GALNT13: variants seen among roughly 807,000 people sequenced by gnomAD.
GALNT13 encodes polypeptide N-acetylgalactosaminyltransferase 13, also known as UDP-GalNAc:polypeptide N-acetylgalactosaminyltransferase 13.
A neutral mutation model predicts 64.2 loss-of-function variants in GALNT13; 28 were observed. That is an observed-to-expected ratio of 0.44 (90% CI 0.32 to 0.60). The LOEUF (loss-of-function observed/expected upper bound fraction) is 0.60. GALNT13 is among the 20% of genes least tolerant of loss of function. The pLI, the probability that GALNT13 is intolerant of heterozygous loss-of-function variation, is 0.05. For missense variants in GALNT13, 577 were observed against 669.8 expected (o/e 0.86, Z 1.53); for synonymous variants, 214 against 224.6 (o/e 0.95, Z 0.42).
the GALNT13 span, among the ~76,000 whole-genome samples, chr2:153,726,001 A>G: frequency 1.8e-3 from 269 of 152,172 alleles, 1 homozygote; most frequent in Non-Finnish European, 2.9e-3. Context: ...CTTTAACAAC[A>G]ATATTTGATT....
chr2:153,550,141 A>G, the GALNT13 span, among the ~76,000 whole-genome samples: 1 of 152,190 alleles, frequency 6.6e-6, no homozygotes, highest in South Asian at 2.1e-4. Context: ...GATGGCAGCT[A>G]TCTAGCAGCA....
the GALNT13 span, among the ~76,000 whole-genome samples, chr2:153,672,121 C>T: frequency 6.6e-6 from 1 of 152,176 alleles, no homozygotes; most frequent in Non-Finnish European, 1.5e-5. Context: ...TAACACCCCA[C>T]TGTCAATATT....
At chr2:153,488,768 C>T in the GALNT13 span, among the ~76,000 whole-genome samples, 2 of 152,154 alleles carry the variant, frequency 1.3e-5, no homozygotes, top group African/African-American at 2.4e-5. Context: ...TGCCTCCCCT[C>T]CAAAATTCAG....
intron 3 of GALNT13, among the ~76,000 whole-genome samples, chr2:154,069,275 A>G (rs2105385304): frequency 6.6e-6 from 1 of 152,132 alleles, no homozygotes; most frequent in Non-Finnish European, 1.5e-5. Flanking sequence ...GTATACAGAA[A>G]GAAGAGAAGA....
At chr2:153,137,736 AAAG>A in the GALNT13 span, among the ~76,000 whole-genome samples, 6 of 152,072 alleles carry the variant, frequency 3.9e-5, no homozygotes, top group East Asian at 7.8e-4. Flanking sequence ...AAAAAAAAAA[AAAG>A]AGTTTCTATT....
chr2:153,855,135 G>T, the GALNT13 span, among the ~76,000 whole-genome samples: 34 of 152,178 alleles, frequency 2.2e-4, no homozygotes, highest in African/African-American at 7.2e-4. Context: ...TAATGCTGCT[G>T]AAATAATTAA....
At chr2:154,350,264 C>T (rs1458193455) in intron 9 of GALNT13, among the ~76,000 whole-genome samples, 1 of 152,180 alleles carries the variant, frequency 6.6e-6, no homozygotes, top group African/African-American at 2.4e-5. Context: ...CTGGGCGAGG[C>T]AGACCCATCC....
chr2:154,358,956 G>C (rs1696906848), intron 9 of GALNT13, among the ~76,000 whole-genome samples: 1 of 152,004 alleles, frequency 6.6e-6, no homozygotes, highest in Non-Finnish European at 1.5e-5. Context: ...TAATAAAATA[G>C]GACAAAACAA....
chr2:154,233,065 A>G (rs1689013824), intron 4 of GALNT13, among the ~76,000 whole-genome samples: 1 of 151,378 alleles, frequency 6.6e-6, no homozygotes, highest in African/African-American at 2.4e-5. Context: ...AAAGAAAAAG[A>G]AAAGAAAAAA....
the GALNT13 span, among the ~76,000 whole-genome samples, chr2:153,330,586 G>C: frequency 2.2e-3 from 329 of 151,840 alleles, 3 homozygotes; most frequent in Non-Finnish European, 3.7e-3. Context: ...TTAATATATA[G>C]AAATGGTACT....
chr2:153,933,146 A>G (rs2105360664), intron 2 of GALNT13, among the ~76,000 whole-genome samples: 1 of 152,216 alleles, frequency 6.6e-6, no homozygotes, highest in East Asian at 1.9e-4. Flanking sequence ...CATTTGGTCA[A>G]ATGTTGAGTT....
At chr2:153,834,655 C>G in the GALNT13 span, among the ~76,000 whole-genome samples, 1 of 152,000 alleles carries the variant, frequency 6.6e-6, no homozygotes, top group African/African-American at 2.4e-5. Context: ...TATCTATGCT[C>G]AAAACATATC....
chr2:153,366,804 CGAAA>C, the GALNT13 span, among the ~76,000 whole-genome samples: 9 of 137,906 alleles, frequency 6.5e-5, no homozygotes, highest in South Asian at 1.8e-3. Context: ...CTGCTGAAAA[CGAAA>C]GAAAGAAAAT....
the GALNT13 span, among the ~76,000 whole-genome samples, chr2:153,517,704 A>C: frequency 0.033 from 4,968 of 152,260 alleles, 247 homozygotes; most frequent in African/African-American, 0.11. Flanking sequence ...ATGTAGAAGG[A>C]AAAGGGAAAT....
intron 3 of GALNT13, among the ~76,000 whole-genome samples, chr2:153,993,054 A>G (rs1695268111): frequency 6.6e-6 from 1 of 152,168 alleles, no homozygotes; most frequent in African/African-American, 2.4e-5. Flanking sequence ...AGGTTAGTTC[A>G]AGCTGTTCTT....
chr2:153,629,286 G>A, the GALNT13 span, among the ~76,000 whole-genome samples: 1 of 151,664 alleles, frequency 6.6e-6, no homozygotes, highest in Admixed American at 6.6e-5. Context: ...CATGATACTG[G>A]TACCAAAACA....
chr2:153,201,382 C>G, the GALNT13 span, among the ~76,000 whole-genome samples: 2 of 152,186 alleles, frequency 1.3e-5, no homozygotes, highest in African/African-American at 4.8e-5. Flanking sequence ...AAACGGAAAG[C>G]TAAACAATAG....
At chr2:154,276,497 A>C (rs1300854257) in intron 8 of GALNT13, among the ~76,000 whole-genome samples, 1 of 152,054 alleles carries the variant, frequency 6.6e-6, no homozygotes. Flanking sequence ...TTGCCTCCCA[A>C]AGTGCTGGCA....
chr2:154,389,077 C>A (rs971539232), intron 9 of GALNT13, among the ~76,000 whole-genome samples: 1 of 152,060 alleles, frequency 6.6e-6, no homozygotes, highest in Non-Finnish European at 1.5e-5. Context: ...TGTATTTTGT[C>A]AACCAGATAT....
Sources: allele counts gnomAD v4.1 joint callset (sites outside exome capture counted in the v4.1 genomes callset), GRCh38; gene constraint gnomAD v4.1.1; transcripts MANE v1.5; gene names NCBI Gene and HGNC (gene_info 2026-07-23, HGNC 2026-07-21).